Variants in PCDHGA3 observed in about 807,000 individuals in gnomAD.
PCDHGA3 encodes protocadherin gamma-A3.
In PCDHGA3, 40 loss-of-function variants were observed where a neutral mutation model predicts 58.5. That is an observed-to-expected ratio of 0.68 (90% CI 0.53 to 0.89). The LOEUF is 0.89. PCDHGA3 is among the 40% of genes least tolerant of loss of function. The pLI, the probability that PCDHGA3 is intolerant of heterozygous loss-of-function variation, is 0.00. For missense variants in PCDHGA3, 1,223 were observed against 1,195.9 expected (o/e 1.02, Z -0.33); for synonymous variants, 530 against 525.7 (o/e 1.01, Z -0.11).
intron 1 of PCDHGA3, chr5:141,416,995 T>G (rs912921234): frequency 2.0e-5 from 3 of 151,486 alleles, no homozygotes; most frequent in Non-Finnish European, 2.9e-5. Flanking sequence ...TGTGCATTCA[T>G]CTCAAATAAT....
chr5:141,393,988 T>C (rs765412193), intron 1 of PCDHGA3: 1 of 1,613,578 alleles, frequency 6.2e-7, no homozygotes, highest in Non-Finnish European at 8.5e-7. Context: ...AATTTACCTT[T>C]TAAATTAGAA....
At chr5:141,424,894 T>C (rs868851823) in intron 1 of PCDHGA3, among the ~76,000 whole-genome samples, 44 of 152,320 alleles carry the variant, frequency 2.9e-4, no homozygotes, top group African/African-American at 9.9e-4. Flanking sequence ...TCTAGGGTTT[T>C]TGATCACAGG....
intron 1 of PCDHGA3, chr5:141,424,442 T>C (rs2096821583): frequency 6.6e-6 from 1 of 152,244 alleles, no homozygotes; most frequent in South Asian, 2.1e-4. Context: ...AATTGAATTA[T>C]TGAACTGGTA....
At position 141,499,027 on chromosome 5, in the gene PCDHGA3, A is replaced by AG. The variant is rs1323149397; in HGVS notation, c.2483+4163dup. 7.4e-3 allele frequency among the ~76,000 whole-genome samples: 1,116 copies of AG among 149,928 alleles called. 12 individuals are homozygous for AG. Among genetic ancestry groups the AG allele is most frequent in the African/African-American group, 0.026 (1,074 of 40,604 alleles). On this transcript the variant is annotated intron_variant, in intron 2 of 3. Transcript: ENST00000253812. ...AAGGAAGGAAGGAAGGAAGGAAGGA[A>AG]GAAAAGAAAGAAAAAGGGAGAAAAA...
rs1379023118 is a variant in PCDHGA3, at chr5:141,487,609, G to A, written c.2425-7198G>A. ...GCCCACCCTCTGATCTTCTCTATGG[G>A]CTAGAGGTGAGACCTTTGCAGGCTC... On this transcript the variant is annotated intron_variant, in intron 1 of 3. Transcript: ENST00000253812. The surrounding 1 kb of genome is among the most constrained non-coding windows in gnomAD (Gnocchi z 5.0). 1 of 1,614,202 alleles carries A rather than the reference G, an allele frequency of 6.2e-7. No individual in the cohort carries two copies. The highest frequency in any genetic ancestry group is 1.1e-5 in the South Asian group (1 of 91,084).
chr5:141,485,380 G>A lies in PCDHGA3; in HGVS notation c.2425-9427G>A. The A allele has an allele frequency of 1.9e-6, 3 of 1,614,146 alleles. No individual in the cohort carries two copies. The highest frequency in any genetic ancestry group is 2.5e-6 in the Non-Finnish European group (3 of 1,180,032). On this transcript the variant is annotated intron_variant, in intron 1 of 3. Coordinates refer to ENST00000253812, the MANE Select transcript of PCDHGA3 (RefSeq NM_018916.4). This position sits in a 1 kb window ranked among gnomAD's most constrained non-coding sequence, Gnocchi z 5.7. ...CTCGCAGGCTGCAGGTCGCTGGAGA[G>A]GTGAACCAAAGACACTTCCGTGTGG... is the stretch of plus-strand genomic sequence containing the variant.
chr5:141,357,123 G>T lies in PCDHGA3; in HGVS notation c.2424+10666G>T. On this transcript the variant is annotated intron_variant, in intron 1 of 3. Coordinates refer to ENST00000253812, the MANE Select transcript of PCDHGA3 (RefSeq NM_018916.4). ...TGGACAGAGACGCGCTCAAGCAGAG[G>T]CTTGTAGTGGTCGTCCAGGACCATG... 8 of 1,613,670 alleles carry T rather than the reference G, an allele frequency of 5.0e-6. No individual in the cohort carries two copies. The South Asian group carries it at 6.6e-5, about 13-fold the overall frequency.
chr5:141,355,317 G>A (rs762569662), intron 1 of PCDHGA3: 4 of 1,613,882 alleles, frequency 2.5e-6, no homozygotes, highest in Non-Finnish European at 2.5e-6. Context: ...TTGAGGAGCA[G>A]GAAGAAGGCT....
chr5:141,362,137 C>T (rs1458069955), intron 1 of PCDHGA3: 1 of 1,614,034 alleles, frequency 6.2e-7, no homozygotes, highest in Admixed American at 1.7e-5. Flanking sequence ...CGCGGATAGC[C>T]TGCAAGAGGT....
At position 141,409,164 on chromosome 5, in the gene PCDHGA3, C is replaced by T. The variant is rs115772303; in HGVS notation, c.2424+62707C>T. ...GAAAGGTACACCATGGAAGTGGAAG[C>T]GAAGGACGGAGGTGGTCTCTCTACC... On this transcript the variant is annotated intron_variant, in intron 1 of 3. Transcript: ENST00000253812. 2.0e-3 allele frequency: 3,227 copies of T among 1,613,908 alleles called. 51 individuals are homozygous for T. In the African/African-American group the frequency reaches 0.029, roughly 14 times the overall value.
intron 1 of PCDHGA3, chr5:141,423,486 C>G: frequency 6.2e-7 from 1 of 1,613,952 alleles, no homozygotes; most frequent in Non-Finnish European, 8.5e-7. Context: ...TCCTGCAAAC[C>G]TATTCCCACG....
intron 1 of PCDHGA3, chr5:141,359,986 G>A: frequency 4.4e-6 from 4 of 913,920 alleles, no homozygotes; most frequent in Non-Finnish European, 6.1e-6. Context: ...CTCTTAGAGG[G>A]GAACTTCCTG....
chr5:141,377,025 A>T (rs1378221523), intron 1 of PCDHGA3: 1 of 154,760 alleles, frequency 6.5e-6, no homozygotes, highest in Non-Finnish European at 1.4e-5. Context: ...AAAATTCAAG[A>T]TTGTCTTTGA....
rs561329093 is a variant in PCDHGA3 at position 141,509,163 on chromosome 5, C to A, written c.2573-1784C>A. Among the ~76,000 whole-genome samples the A allele has an allele frequency of 1.4e-4, 21 of 152,322 alleles. No individual in the cohort carries two copies. In the South Asian group the frequency reaches 4.1e-3, roughly 30 times the overall value. On this transcript the variant is annotated intron_variant, in intron 3 of 3. Coordinates refer to ENST00000253812, the MANE Select transcript of PCDHGA3 (RefSeq NM_018916.4). ...CATCCCGGCTCTCCCCTCCCGTGTG[C>A]CCTCCTCCTCTTATGCCGGCTTGAA...
At chr5:141,372,345 C>T in intron 1 of PCDHGA3, 1 of 1,613,816 alleles carries the variant, frequency 6.2e-7, no homozygotes, top group Non-Finnish European at 8.5e-7. Flanking sequence ...TGATGGAGGA[C>T]AGCAGCCTCT....
At position 141,431,335 on chromosome 5, in the gene PCDHGA3, C is replaced by A. The variant is rs747132346; in HGVS notation, c.2425-63472C>A. On this transcript the variant is annotated intron_variant, in intron 1 of 3. Transcript: ENST00000253812. This position sits in a 1 kb window ranked among gnomAD's most constrained non-coding sequence, Gnocchi z 4.8. ...ATGGAGCCGACGGTAGTAAGTACCCCGAATTGGTGCTGAAACGCGCCCTGG... is the reference window on the plus strand; with the variant it reads ...ATGGAGCCGACGGTAGTAAGTACCCAGAATTGGTGCTGAAACGCGCCCTGG... 11 of 1,613,944 alleles carry A rather than the reference C, an allele frequency of 6.8e-6. No homozygotes were observed. The Admixed American group carries it at 1.5e-4, about 22-fold the overall frequency.
chr5:141,354,912 G>A lies in PCDHGA3; in HGVS notation c.2424+8455G>A, dbSNP rs3806836. On this transcript the variant is annotated intron_variant, in intron 1 of 3. Coordinates refer to ENST00000253812, the MANE Select transcript of PCDHGA3 (RefSeq NM_018916.4). ...TTGGGAGAAATAGGAATAGAAAAGT[G>A]TATAAAAAATAAACTTTTTTTAACC... 0.019 allele frequency: 7,625 copies of A among 408,662 alleles called. 710 individuals are homozygous for A. In the East Asian group the frequency reaches 0.22, roughly 12 times the overall value. The allele number at this position is 408,662 out of a possible 1,614,324, so 25.3% of individuals were successfully genotyped here. A position where few individuals can be genotyped will look rare whatever the true frequency, so the allele number is the denominator to read the frequency against.
intron 1 of PCDHGA3, chr5:141,393,869 G>A: frequency 1.2e-6 from 2 of 1,613,982 alleles, no homozygotes; most frequent in Non-Finnish European, 1.7e-6. Context: ...TTACGTCTTT[G>A]TTTAGCCCAG....
chr5:141,397,985 C>A (rs1034752721), intron 1 of PCDHGA3: 3 of 1,315,640 alleles, frequency 2.3e-6, no homozygotes, highest in Non-Finnish European at 2.1e-6. Context: ...GGCCTTTACA[C>A]CGCTTCCTCC....
Sources: gnomAD v4.1 joint callset for allele counts (sites outside exome capture counted in the v4.1 genomes callset) on GRCh38, gnomAD v4.1.1 for gene constraint, Gnocchi (gnomAD v3.1) non-coding constraint, MANE v1.5 for transcripts, NCBI Gene and HGNC (gene_info 2026-07-23, HGNC 2026-07-21) for gene names.